Variants in OSBPL3 observed in about 807,000 individuals in gnomAD.
The protein encoded by OSBPL3 is oxysterol-binding protein-related protein 3.
In OSBPL3, 65 loss-of-function variants were observed where a neutral mutation model predicts 120.1. The observed-to-expected ratio is 0.54, with a 90% CI of 0.44 to 0.67. The LOEUF is 0.67. OSBPL3 is among the 30% of genes least tolerant of loss of function. The probability of loss-of-function intolerance (pLI) is 0.00; values close to 1 mark genes in which losing one functional copy is unlikely to be tolerated. For synonymous variants in OSBPL3, 416 were observed against 402.6 expected (o/e 1.03, Z -0.40); for missense variants, 1,004 against 1,082.1 (o/e 0.93, Z 1.01).
Position 24,873,865 on chromosome 7 carries a change from T to C in OSBPL3, c.97-1796A>G, listed in dbSNP as rs990414599. ...GTCAAGTTAAAAATTCCACCTCAAA[T>C]TTCACCTCCTCCAGTGGAAAATACC... On this transcript the variant is annotated intron_variant, in intron 2 of 22. Coordinates refer to ENST00000313367, the MANE Select transcript of OSBPL3 (RefSeq NM_015550.4). This position sits in a 1 kb window ranked among gnomAD's most constrained non-coding sequence, Gnocchi z 4.1. 6.6e-6 allele frequency among the ~76,000 whole-genome samples: 1 copy of C among 152,154 alleles called. No homozygotes were observed. The highest frequency in any genetic ancestry group is 2.4e-5 in the African/African-American group (1 of 41,440).
At chr7:24,840,280 C>T (rs1797576095) in intron 14 of OSBPL3, among the ~76,000 whole-genome samples, 1 of 152,136 alleles carries the variant, frequency 6.6e-6, no homozygotes, top group Non-Finnish European at 1.5e-5. Flanking sequence ...CACTCGTATG[C>T]AGGTTTTCTT....
intron 5 of OSBPL3, among the ~76,000 whole-genome samples, chr7:24,869,131 A>T (rs1801766399): frequency 6.6e-6 from 1 of 152,256 alleles, no homozygotes; most frequent in African/African-American, 2.4e-5. Context: ...TGTTCAAAAG[A>T]ATGAACAAGA....
chr7:24,852,395 A>T lies in OSBPL3; in HGVS notation c.1158+109T>A. 1 of 942,672 alleles carries T rather than the reference A, an allele frequency of 1.1e-6. No individual in the cohort carries two copies. Among genetic ancestry groups the T allele is most frequent in the Non-Finnish European group, 1.5e-6 (1 of 672,678 alleles). The allele number at this position is 942,672 out of a possible 1,614,324, so 58.4% of individuals were successfully genotyped here. ...TGAAAGGTTAGAATATAATTTGGATAATTTGGTTTTCTCCTGAATTTTCAA... is the reference window on the plus strand; with the variant it reads ...TGAAAGGTTAGAATATAATTTGGATTATTTGGTTTTCTCCTGAATTTTCAA... On this transcript the variant is annotated intron_variant, in intron 11 of 22. Transcript: ENST00000313367. This position sits in a 1 kb window ranked among gnomAD's most constrained non-coding sequence, Gnocchi z 4.1.
At chr7:24,917,183 G>T (rs1809687484) in intron 1 of OSBPL3, among the ~76,000 whole-genome samples, 1 of 151,690 alleles carries the variant, frequency 6.6e-6, no homozygotes. Flanking sequence ...GAAGTCAGTG[G>T]TCATGTTTTC....
Position 24,824,930 on chromosome 7 carries a change from G to C in OSBPL3, c.1885-4692C>G, listed in dbSNP as rs1795522512. On this transcript the variant is annotated intron_variant, in intron 16 of 22. Transcript: ENST00000313367. This position sits in a 1 kb window ranked among gnomAD's most constrained non-coding sequence, Gnocchi z 4.9. ...GTCCCAGGCAGGGGACACAGCAAAG[G>C]CCAATGGCTGGAAAATGCTTGGTAT... Among the ~76,000 whole-genome samples the C allele has an allele frequency of 1.3e-5, 2 of 152,184 alleles. No individual in the cohort carries two copies. Among genetic ancestry groups the C allele is most frequent in the South Asian group, 4.1e-4 (2 of 4,830 alleles).
chr7:24,837,491 A>ACTGT (rs2128188883), intron 14 of OSBPL3, among the ~76,000 whole-genome samples: 1 of 152,332 alleles, frequency 6.6e-6, no homozygotes, highest in Non-Finnish European at 1.5e-5. Context: ...GGTGTGAGCC[A>ACTGT]CTGTGCCTTG....
chr7:24,954,004 A>T (rs1814751102), intron 1 of OSBPL3, among the ~76,000 whole-genome samples: 1 of 152,226 alleles, frequency 6.6e-6, no homozygotes, highest in Non-Finnish European at 1.5e-5. Context: ...GGTACACTGG[A>T]AGTGGCAGCT....
In OSBPL3 at chr7:24,855,211, C is replaced by T. The variant is rs993114695; in HGVS notation, c.1028-2577G>A. Among the ~76,000 whole-genome samples, 10 of 152,062 alleles carry T rather than the reference C, an allele frequency of 6.6e-5. No homozygotes were observed. The highest frequency in any genetic ancestry group is 6.5e-4 in the Admixed American group (10 of 15,276). On this transcript the variant is annotated intron_variant, in intron 10 of 22. Transcript: ENST00000313367. The surrounding 1 kb of genome is among the most constrained non-coding windows in gnomAD (Gnocchi z 4.3). ...CCCTGCCTGCCACACACACAGGATGCCCATGGCCATCTCAGTGGGTCCCCT... is the reference window on the plus strand; with the variant it reads ...CCCTGCCTGCCACACACACAGGATGTCCATGGCCATCTCAGTGGGTCCCCT...
chr7:24,816,605 C>A lies in OSBPL3; in HGVS notation c.2027+5G>T. ...AAGCTCCTTAACCACAGAAGAAGAA[C>A]TTACACTGGCAGAGTCACATGGGTT... On this transcript the variant is annotated splice_donor_5th_base_variant and intron_variant, in intron 18 of 22. Transcript: ENST00000313367. 1 of 1,605,202 alleles carries A rather than the reference C, an allele frequency of 6.2e-7. No homozygotes were observed. Among genetic ancestry groups the A allele is most frequent in the Non-Finnish European group, 8.5e-7 (1 of 1,171,902 alleles).
At position 24,863,412 on chromosome 7, in the gene OSBPL3, GC is replaced by G; in HGVS notation, c.777+83del. 1 of 1,366,350 alleles carries G rather than the reference GC, an allele frequency of 7.3e-7. No homozygotes were observed. Among genetic ancestry groups the G allele is most frequent in the Non-Finnish European group, 1.0e-6 (1 of 954,648 alleles). The allele number at this position is 1,366,350 out of a possible 1,614,324, so 84.6% of individuals were successfully genotyped here. On this transcript the variant is annotated intron_variant, in intron 8 of 22. Transcript: ENST00000313367. This position sits in a 1 kb window ranked among gnomAD's most constrained non-coding sequence, Gnocchi z 5.8. Reference sequence around the variant, plus strand: ...ACTTTGGCTGAAGCAACTGACCACAGCATCCCACTGTTAGTGAAAGGCTGGG... The same window carrying G: ...ACTTTGGCTGAAGCAACTGACCACAGATCCCACTGTTAGTGAAAGGCTGGG...
chr7:24,978,410 A>G (rs552600967), intron 1 of OSBPL3, among the ~76,000 whole-genome samples: 97 of 152,360 alleles, frequency 6.4e-4, no homozygotes, highest in African/African-American at 2.3e-3. Flanking sequence ...AGGTCTCTGC[A>G]TTCCTGGTAC....
chr7:24,874,948 G>C (rs1347178021), intron 2 of OSBPL3, among the ~76,000 whole-genome samples: 1 of 152,146 alleles, frequency 6.6e-6, no homozygotes, highest in East Asian at 1.9e-4. Context: ...GCTCCCTCGG[G>C]GACACTGTGG....
At chr7:24,915,679 T>G (rs1427759093) in intron 1 of OSBPL3, among the ~76,000 whole-genome samples, 2 of 152,182 alleles carry the variant, frequency 1.3e-5, no homozygotes, top group East Asian at 1.9e-4. Context: ...GTTCAAGCTA[T>G]TCTCCTGCTT....
chr7:24,919,338 G>A (rs1293859090), intron 1 of OSBPL3, among the ~76,000 whole-genome samples: 9 of 152,090 alleles, frequency 5.9e-5, no homozygotes, highest in Admixed American at 5.9e-4. Context: ...GATTGAGAAT[G>A]TAGACATTAA....
At chr7:24,869,535 C>T (rs942353278) in intron 5 of OSBPL3, among the ~76,000 whole-genome samples, 1 of 152,168 alleles carries the variant, frequency 6.6e-6, no homozygotes, top group Non-Finnish European at 1.5e-5. Flanking sequence ...TGTCTGGAGA[C>T]ATTTTTGTTG....
chr7:24,870,612 C>T (rs1029284288), intron 5 of OSBPL3, 120 bp downstream of exon 5: 1 of 672,310 alleles, frequency 1.5e-6, no homozygotes, highest in Non-Finnish European at 2.8e-6. Context: ...ATGAGAAACA[C>T]TTTGGTAATG....
intron 1 of OSBPL3, among the ~76,000 whole-genome samples, chr7:24,927,659 A>G (rs890263658): frequency 6.6e-6 from 1 of 152,164 alleles, no homozygotes; most frequent in African/African-American, 2.4e-5. Flanking sequence ...GCTTGTAGTT[A>G]TGTCTGTGTT....
intron 12 of OSBPL3, among the ~76,000 whole-genome samples, chr7:24,847,381 A>G (rs1456606585): frequency 2.0e-5 from 3 of 152,246 alleles, no homozygotes; most frequent in African/African-American, 7.2e-5. Flanking sequence ...GAGGAAATAG[A>G]TAAGGTGACA....
intron 9 of OSBPL3, 148 bp from the exon 10 acceptor site, chr7:24,861,917 C>T (rs1167216661): frequency 2.3e-5 from 11 of 485,168 alleles, no homozygotes; most frequent in African/African-American, 1.7e-4. Flanking sequence ...GATGGAGTCT[C>T]GCTCTGCCAC....
Sources: gnomAD v4.1 joint callset for allele counts (sites outside exome capture counted in the v4.1 genomes callset) on GRCh38, gnomAD v4.1.1 for gene constraint, Gnocchi (gnomAD v3.1) non-coding constraint, MANE v1.5 for transcripts, NCBI Gene and HGNC (gene_info 2026-07-23, HGNC 2026-07-21) for gene names.